Variants in TCAIM observed in about 807,000 individuals in gnomAD.
TCAIM encodes T cell activation inhibitor, mitochondrial.
TCAIM carries 36 observed loss-of-function variants against 58.6 expected under a neutral mutation model. The observed-to-expected ratio is 0.61, with a 90% CI of 0.47 to 0.81. The LOEUF (loss-of-function observed/expected upper bound fraction) is 0.81, where lower values mean the gene tolerates loss of function less well. Among genes scored for constraint, TCAIM ranks in the 30% least tolerant of loss-of-function variants. The pLI is 0.00. For missense variants in TCAIM, 466 were observed against 579.6 expected, an observed-to-expected ratio of 0.80 and a Z score of 2.01; for synonymous variants, 172 against 193.6, an observed-to-expected ratio of 0.89 and a Z score of 0.93.
chr3:44,399,149 G>A (rs532351064), intron 8 of TCAIM, among the ~76,000 whole-genome samples: 10 of 152,160 alleles, frequency 6.6e-5, no homozygotes, highest in Admixed American at 1.3e-4. Context: ...ATACACAAAC[G>A]CATGCAAGTA....
At chr3:44,356,699 C>T (rs1701198047) in intron 2 of TCAIM, among the ~76,000 whole-genome samples, 1 of 151,868 alleles carries the variant, frequency 6.6e-6, no homozygotes, top group Non-Finnish European at 1.5e-5. Flanking sequence ...GGTATGGTGG[C>T]TCATGCCTGC....
At position 44,408,448 on chromosome 3, in the gene TCAIM, C is replaced by T. The variant is rs975136655; in HGVS notation, c.*766C>T. The T allele has an allele frequency of 4.6e-5, 7 of 152,196 alleles. No individual in the cohort carries two copies. The highest frequency in any genetic ancestry group is 1.7e-4 in the African/African-American group (7 of 41,442). The allele number at this position is 152,196 out of a possible 1,614,324, so 9.4% of individuals were successfully genotyped here. Reference sequence around the variant, plus strand: ...AAAGCAGTTGAATGTATGGTACTGACATTGTCATAAGCAGTCTGATAACCA... The same window carrying T: ...AAAGCAGTTGAATGTATGGTACTGATATTGTCATAAGCAGTCTGATAACCA... On this transcript the variant is annotated 3_prime_UTR_variant, in exon 11 of 11. Coordinates refer to ENST00000342649, the MANE Select transcript of TCAIM (RefSeq NM_173826.4).
intron 5 of TCAIM, among the ~76,000 whole-genome samples, chr3:44,382,629 A>G (rs1482194126): frequency 6.6e-6 from 1 of 152,208 alleles, no homozygotes; most frequent in Non-Finnish European, 1.5e-5. Flanking sequence ...GACCTAAACT[A>G]TAAAACTCTT....
At chr3:44,396,596 T>C in intron 7 of TCAIM, 99 bp downstream of exon 7, 1 of 1,437,908 alleles carries the variant, frequency 7.0e-7, no homozygotes, top group Non-Finnish European at 9.5e-7. Context: ...AGCTGAACTT[T>C]TAAATCTGTT....
rs538741727 is a variant in TCAIM at position 44,368,852 on chromosome 3, T to C, written c.572+1144T>C. On this transcript the variant is annotated intron_variant, in intron 5 of 10. Coordinates refer to ENST00000342649, the MANE Select transcript of TCAIM (RefSeq NM_173826.4). ...AGCCTGAGCAACATAGTGAGACCCA[T>C]CTCTACAAAAAATACAAAAATTTAG... Among the ~76,000 whole-genome samples, 8 of 152,132 alleles carry C rather than the reference T, an allele frequency of 5.3e-5. 1 individual carries two copies. In the South Asian group the frequency reaches 1.7e-3, roughly 32 times the overall value.
At chr3:44,346,112 T>C (rs1287742742) in intron 1 of TCAIM, among the ~76,000 whole-genome samples, 1 of 152,194 alleles carries the variant, frequency 6.6e-6, no homozygotes, top group Non-Finnish European at 1.5e-5. Flanking sequence ...GTAAAAGTAT[T>C]GTCCAGTCCT....
intron 1 of TCAIM, chr3:44,339,868 A>G (rs940398091): frequency 6.6e-6 from 1 of 152,132 alleles, no homozygotes; most frequent in Non-Finnish European, 1.5e-5. Context: ...TCTTTTGAGT[A>G]TTAGAATTGT....
intron 5 of TCAIM, among the ~76,000 whole-genome samples, chr3:44,389,930 G>C (rs931880942): frequency 3.3e-5 from 5 of 152,010 alleles, no homozygotes; most frequent in Non-Finnish European, 5.9e-5. Flanking sequence ...AGGTCTTTAT[G>C]CACTAATATG....
At chr3:44,369,310 C>T (rs1701427739) in intron 5 of TCAIM, among the ~76,000 whole-genome samples, 1 of 152,074 alleles carries the variant, frequency 6.6e-6, no homozygotes, top group South Asian at 2.1e-4. Flanking sequence ...TTGGGGATTA[C>T]TGGCCTAAAG....
At chr3:44,352,595 G>C (rs1701113777) in intron 1 of TCAIM, among the ~76,000 whole-genome samples, 1 of 152,064 alleles carries the variant, frequency 6.6e-6, no homozygotes, top group Non-Finnish European at 1.5e-5. Flanking sequence ...CACCAAAATG[G>C]TATATTTATT....
chr3:44,376,424 A>C (rs1701566638), intron 5 of TCAIM, among the ~76,000 whole-genome samples: 1 of 152,196 alleles, frequency 6.6e-6, no homozygotes, highest in Admixed American at 6.5e-5. Flanking sequence ...TGTGGTAACA[A>C]CTGAAAGAGT....
intron 5 of TCAIM, among the ~76,000 whole-genome samples, chr3:44,384,644 T>C (rs2125647249): frequency 6.6e-6 from 1 of 152,354 alleles, no homozygotes; most frequent in South Asian, 2.1e-4. Context: ...CCAGTTTTCA[T>C]AGTTTTTGCT....
chr3:44,407,448 G>A lies in TCAIM; in HGVS notation c.1257G>A (p.Lys419=). Residue 419 remains lysine (K), a synonymous_variant, in exon 11 of 11, where the codon AAG becomes AAA. Transcript: ENST00000342649. Reference sequence around the variant, plus strand: ...TTTATTTTCTATATAATAGGTTAAAGGTTATTGAAAATGAATTGATACAGG... The same window carrying A: ...TTTATTTTCTATATAATAGGTTAAAAGTTATTGAAAATGAATTGATACAGG... The part of the protein sequence containing the change: ...RENMKRKEEL[K]VIENELIQAS... 2.0e-6 allele frequency: 3 copies of A among 1,523,550 alleles called. No individual in the cohort carries two copies. The highest frequency in any genetic ancestry group is 2.3e-5 in the East Asian group (1 of 44,250). The allele number at this position is 1,523,550 out of a possible 1,614,324, so 94.4% of individuals were successfully genotyped here. A position where few individuals can be genotyped will look rare whatever the true frequency, so the allele number is the denominator to read the frequency against.
chr3:44,404,414 A>G (rs1044728001), intron 10 of TCAIM, among the ~76,000 whole-genome samples: 7 of 152,118 alleles, frequency 4.6e-5, no homozygotes, highest in Non-Finnish European at 7.4e-5. Flanking sequence ...GCCTTCAGGA[A>G]ATACCGATTG....
At chr3:44,373,356 C>T (rs1701510480) in intron 5 of TCAIM, among the ~76,000 whole-genome samples, 1 of 151,868 alleles carries the variant, frequency 6.6e-6, no homozygotes, top group Non-Finnish European at 1.5e-5. Flanking sequence ...TGTTATATAC[C>T]TATAAAAATG....
chr3:44,345,158 C>T (rs962779906), intron 1 of TCAIM, among the ~76,000 whole-genome samples: 3 of 151,958 alleles, frequency 2.0e-5, no homozygotes, highest in African/African-American at 7.3e-5. Flanking sequence ...ATTGGGGCGG[C>T]GTGGGAACCT....
At chr3:44,360,959 T>C (rs1027246685) in intron 3 of TCAIM, among the ~76,000 whole-genome samples, 2 of 152,220 alleles carry the variant, frequency 1.3e-5, no homozygotes, top group African/African-American at 2.4e-5. Context: ...AAAATAATGA[T>C]GAAGATTTAG....
chr3:44,384,149 G>C (rs749605337), intron 5 of TCAIM, among the ~76,000 whole-genome samples: 2 of 152,018 alleles, frequency 1.3e-5, no homozygotes, highest in Non-Finnish European at 2.9e-5. Flanking sequence ...GAAAACAAAG[G>C]CTCTGAATTT....
chr3:44,369,539 G>A (rs944436848), intron 5 of TCAIM, among the ~76,000 whole-genome samples: 1 of 152,132 alleles, frequency 6.6e-6, no homozygotes, highest in Non-Finnish European at 1.5e-5. Flanking sequence ...CCTAGAACTG[G>A]ACTTAGACAC....
Sources: allele counts gnomAD v4.1 joint callset (sites outside exome capture counted in the v4.1 genomes callset), GRCh38; gene constraint gnomAD v4.1.1; transcripts MANE v1.5; gene names NCBI Gene and HGNC (gene_info 2026-07-23, HGNC 2026-07-21).